LHPP: variants seen among roughly 807,000 people sequenced by gnomAD.
LHPP encodes the protein hLHPP.
Under a neutral mutation model 30.3 loss-of-function variants are expected in LHPP, and 24 were observed. That is an observed-to-expected ratio of 0.79 (90% CI 0.57 to 1.11). The LOEUF is 1.11. Ranked by LOEUF, LHPP falls within the 50% of genes most tolerant of loss-of-function variation. The probability of loss-of-function intolerance (pLI) is 0.00; values close to 1 mark genes in which losing one functional copy is unlikely to be tolerated. For synonymous variants in LHPP, 150 were observed against 157.1 expected, an observed-to-expected ratio of 0.95 and a Z score of 0.34; for missense variants, 356 against 367.2, an observed-to-expected ratio of 0.97 and a Z score of 0.25.
At chr10:124,490,494 G>T in intron 3 of LHPP, 1 of 346,568 alleles carries the variant, frequency 2.9e-6, no homozygotes, top group South Asian at 2.9e-5. Context: ...GTCTTAGGCA[G>T]GTGGACATTC....
chr10:124,467,513 CTTTTTCTTTTT>C (rs1952587592), intron 1 of LHPP, among the ~76,000 whole-genome samples: 1 of 147,398 alleles, frequency 6.8e-6, no homozygotes, highest in Admixed American at 6.8e-5. Flanking sequence ...ACTTTCTTTT[CTTTTTCTTTTT>C]TTTTTTTTTT....
intron 5 of LHPP, among the ~76,000 whole-genome samples, chr10:124,504,207 A>G (rs1481426243): frequency 2.6e-5 from 4 of 151,590 alleles, no homozygotes; most frequent in East Asian, 1.9e-4. Flanking sequence ...ATAAAATAAA[A>G]TAATATAAGT....
chr10:124,545,880 T>C (rs2133951134), intron 6 of LHPP: 1 of 152,306 alleles, frequency 6.6e-6, no homozygotes, highest in African/African-American at 2.4e-5. Flanking sequence ...TTTGCTGTCA[T>C]TAAGTCCAAT....
intron 6 of LHPP, among the ~76,000 whole-genome samples, chr10:124,536,404 C>T (rs1347216200): frequency 6.6e-6 from 1 of 152,242 alleles, no homozygotes; most frequent in Non-Finnish European, 1.5e-5. Flanking sequence ...TGCTCCGAGG[C>T]CACCCCAGCC....
intron 6 of LHPP, among the ~76,000 whole-genome samples, chr10:124,581,999 G>T (rs1948748757): frequency 6.6e-6 from 1 of 152,058 alleles, no homozygotes; most frequent in Non-Finnish European, 1.5e-5. Flanking sequence ...AGCCAGGATG[G>T]TCTCGATCTC....
chr10:124,510,472 G>A lies in LHPP; in HGVS notation c.625-6708G>A, dbSNP rs867885448. On this transcript the variant is annotated intron_variant, in intron 5 of 6. Coordinates refer to ENST00000368842, the MANE Select transcript of LHPP (RefSeq NM_022126.4). This position sits in a 1 kb window ranked among gnomAD's most constrained non-coding sequence, Gnocchi z 4.0. ...CGGGGCTCTGCCTGGAGGCAGCCTCGCTTTATCCCGCAGAACCTCCACGCT... is the reference window on the plus strand; with the variant it reads ...CGGGGCTCTGCCTGGAGGCAGCCTCACTTTATCCCGCAGAACCTCCACGCT... 5.3e-5 allele frequency among the ~76,000 whole-genome samples: 8 copies of A among 152,078 alleles called. No homozygotes were observed. The highest frequency in any genetic ancestry group is 1.7e-4 in the African/African-American group (7 of 41,402).
chr10:124,537,710 G>T (rs747793053), intron 6 of LHPP, among the ~76,000 whole-genome samples: 1 of 152,246 alleles, frequency 6.6e-6, no homozygotes, highest in Non-Finnish European at 1.5e-5. Flanking sequence ...CCAGGAGCTG[G>T]CTTCCCCATT....
intron 6 of LHPP, among the ~76,000 whole-genome samples, chr10:124,526,473 C>T (rs1347062919): frequency 1.3e-5 from 2 of 152,232 alleles, no homozygotes; most frequent in Non-Finnish European, 2.9e-5. Context: ...CTGCCTGACT[C>T]CAAGGCCTGT....
At chr10:124,574,346 G>C (rs1440311742) in intron 6 of LHPP, among the ~76,000 whole-genome samples, 1 of 152,218 alleles carries the variant, frequency 6.6e-6, no homozygotes, top group Non-Finnish European at 1.5e-5. Context: ...GGCGCGCACG[G>C]ATTCGCTCGC....
chr10:124,544,494 G>A (rs1282830016), intron 6 of LHPP, among the ~76,000 whole-genome samples: 1 of 152,246 alleles, frequency 6.6e-6, no homozygotes, highest in Non-Finnish European at 1.5e-5. Flanking sequence ...GAGATCCTGG[G>A]TGGATCACAG....
Position 124,613,435 on chromosome 10 carries a change from T to TCCTCCACCCCTGCCTCC in LHPP, c.*84_*85insCTGCCTCCCCTCCACCC. On this transcript the variant is annotated 3_prime_UTR_variant, in exon 7 of 7. Transcript: ENST00000368842. ...CCTGCCTCCCCTCCACCCCTGCCTC[T>TCCTCCACCCCTGCCTCC]CCTCCACCCGCCCAGGAGAGCCCCA... is the stretch of plus-strand genomic sequence containing the variant. 1 of 859,382 alleles carries TCCTCCACCCCTGCCTCC rather than the reference T, an allele frequency of 1.2e-6. No individual in the cohort carries two copies. The highest frequency in any genetic ancestry group is 1.7e-6 in the Non-Finnish European group (1 of 580,470). 53.2% of individuals were successfully genotyped at this position (859,382 alleles called of 1,614,324 possible).
intron 6 of LHPP, among the ~76,000 whole-genome samples, chr10:124,595,987 T>A (rs1948936961): frequency 6.6e-6 from 1 of 152,098 alleles, no homozygotes; most frequent in Non-Finnish European, 1.5e-5. Flanking sequence ...GCCCGTGCCT[T>A]CACCCCCGTC....
At chr10:124,470,081 G>A (rs545510153) in intron 1 of LHPP, among the ~76,000 whole-genome samples, 8 of 152,334 alleles carry the variant, frequency 5.3e-5, no homozygotes, top group East Asian at 3.9e-4. Context: ...GTAACCGGCC[G>A]TGTCCCCCCA....
chr10:124,611,850 A>G (rs1949204733), intron 6 of LHPP, among the ~76,000 whole-genome samples: 1 of 151,664 alleles, frequency 6.6e-6, no homozygotes, highest in Admixed American at 6.6e-5. Flanking sequence ...CCAGGGTGGC[A>G]GCTTCCAAAG....
At chr10:124,557,670 C>T (rs183135608) in intron 6 of LHPP, among the ~76,000 whole-genome samples, 1,729 of 152,220 alleles carry the variant, frequency 0.011, 144 homozygotes, top group Admixed American at 0.11. Context: ...ATGAAGCCTC[C>T]CATGACTTTG....
chr10:124,593,044 C>G lies in LHPP; in HGVS notation c.717-20220C>G, dbSNP rs967462540. Among the ~76,000 whole-genome samples the G allele has an allele frequency of 6.6e-6, 1 of 152,168 alleles. No individual in the cohort carries two copies. The highest frequency in any genetic ancestry group is 2.4e-5 in the African/African-American group (1 of 41,450). ...GGCCTCAGTCGGCGTTTCGGGGAACCGGGTACAAGTTGCTAGGGAAATACA... is the reference window on the plus strand; with the variant it reads ...GGCCTCAGTCGGCGTTTCGGGGAACGGGGTACAAGTTGCTAGGGAAATACA... On this transcript the variant is annotated intron_variant, in intron 6 of 6. Coordinates refer to ENST00000368842, the MANE Select transcript of LHPP (RefSeq NM_022126.4). The surrounding 1 kb of genome is among the most constrained non-coding windows in gnomAD (Gnocchi z 4.9).
At chr10:124,465,090 TGTGATGGACGAGG>T (rs1952518750) in intron 1 of LHPP, among the ~76,000 whole-genome samples, 1 of 151,080 alleles carries the variant, frequency 6.6e-6, no homozygotes, top group Non-Finnish European at 1.5e-5. Context: ...GTACTGAGAG[TGTGATGGACGAGG>T]GTGGCCTGTG....
At chr10:124,498,285 G>T (rs1268127331) in intron 5 of LHPP, 157 bp downstream of exon 5, 1 of 1,565,034 alleles carries the variant, frequency 6.4e-7, no homozygotes. Flanking sequence ...GAAGGAGGGG[G>T]AAGACAGCAA....
intron 6 of LHPP, among the ~76,000 whole-genome samples, chr10:124,550,500 T>TGGGG (rs1948140835): frequency 6.7e-6 from 1 of 149,666 alleles, no homozygotes; most frequent in South Asian, 2.1e-4. Flanking sequence ...AACGTGTGGG[T>TGGGG]GGGGGAGGGT....
Sources: gnomAD v4.1 joint callset for allele counts (sites outside exome capture counted in the v4.1 genomes callset) on GRCh38, gnomAD v4.1.1 for gene constraint, Gnocchi (gnomAD v3.1) non-coding constraint, MANE v1.5 for transcripts, NCBI Gene and HGNC (gene_info 2026-07-23, HGNC 2026-07-21) for gene names.